SMYD3: variants seen among roughly 807,000 people sequenced by gnomAD.
SMYD3 encodes histone-lysine N-methyltransferase SMYD3.
Under a neutral mutation model 57.7 loss-of-function variants are expected in SMYD3, and 36 were observed. The ratio of observed to expected loss-of-function variants is 0.62; its 90% CI spans 0.48 to 0.82. The LOEUF is 0.82. Ranked by LOEUF, SMYD3 falls within the 40% of genes least tolerant of loss-of-function variation. The pLI is 0.00. For synonymous variants in SMYD3, 211 were observed against 195.0 expected (o/e 1.08, Z -0.68); for missense variants, 515 against 538.8 (o/e 0.96, Z 0.44).
intron 1 of SMYD3, chr1:246,417,246 A>C (rs1158707813): frequency 6.6e-6 from 1 of 152,264 alleles, no homozygotes; most frequent in Non-Finnish European, 1.5e-5. Context: ...AGTGCCATTT[A>C]AGCTGTGGCT....
intron 5 of SMYD3, among the ~76,000 whole-genome samples, chr1:245,962,161 TA>T (rs2058027597): frequency 6.6e-6 from 1 of 152,100 alleles, no homozygotes; most frequent in Non-Finnish European, 1.5e-5. Context: ...AGGTCGATGT[TA>T]GGGGAGAAAA....
At chr1:245,826,388 G>A (rs1230417705) in intron 10 of SMYD3, among the ~76,000 whole-genome samples, 22 of 152,014 alleles carry the variant, frequency 1.4e-4, no homozygotes, top group Admixed American at 1.4e-3. Flanking sequence ...TTTTGTTTTG[G>A]TTTTTAAATA....
intron 10 of SMYD3, among the ~76,000 whole-genome samples, chr1:245,773,383 T>G (rs1007807726): frequency 2.6e-5 from 4 of 152,228 alleles, no homozygotes; most frequent in African/African-American, 9.6e-5. Context: ...TGAGAAACTC[T>G]TGCCTATATT....
In SMYD3 at chr1:246,256,068, T is replaced by C. The variant is rs2063887464; in HGVS notation, c.531+71133A>G. Among the ~76,000 whole-genome samples, 4 of 152,208 alleles carry C rather than the reference T, an allele frequency of 2.6e-5. No individual in the cohort carries two copies. The South Asian group carries it at 8.3e-4, about 32-fold the overall frequency. On this transcript the variant is annotated intron_variant, in intron 5 of 11. Transcript: ENST00000490107. ...GGAGTTTGTTAAGTATTAACTTACA[T>C]GATTACAAGGTCCCACAATAGGCTG...
intron 2 of SMYD3, among the ~76,000 whole-genome samples, chr1:246,336,655 G>C (rs1174311332): frequency 1.3e-5 from 2 of 152,126 alleles, no homozygotes; most frequent in East Asian, 3.9e-4. Context: ...TAGATACATG[G>C]CTAAGCAAAT....
At chr1:245,907,510 A>G (rs2054654134) in intron 8 of SMYD3, among the ~76,000 whole-genome samples, 1 of 152,226 alleles carries the variant, frequency 6.6e-6, no homozygotes, top group African/African-American at 2.4e-5. Flanking sequence ...AATATTTGCC[A>G]TCATGAAAAC....
intron 5 of SMYD3, among the ~76,000 whole-genome samples, chr1:246,243,397 AAC>A (rs2063648204): frequency 9.7e-6 from 1 of 102,868 alleles, no homozygotes; most frequent in South Asian, 4.7e-4. Context: ...CATGTGATTC[AAC>A]ACATAGTGAG....
chr1:246,064,987 C>T (rs1432792241), intron 5 of SMYD3, among the ~76,000 whole-genome samples: 3 of 152,244 alleles, frequency 2.0e-5, no homozygotes, highest in African/African-American at 7.2e-5. Flanking sequence ...GATTACTTCA[C>T]TTACACTTTA....
intron 1 of SMYD3, among the ~76,000 whole-genome samples, chr1:246,372,491 T>G (rs2066209236): frequency 6.6e-6 from 1 of 152,240 alleles, no homozygotes. Flanking sequence ...ATTAATTTAT[T>G]CAGATAATCT....
chr1:246,031,807 T>C (rs2059683402), intron 5 of SMYD3, among the ~76,000 whole-genome samples: 1 of 151,824 alleles, frequency 6.6e-6, no homozygotes, highest in African/African-American at 2.4e-5. Context: ...TAAAATTAGG[T>C]TGGTTTCATT....
rs372587693 is a variant in SMYD3, at chr1:245,832,417, CCT to C, written c.1076+26077_1076+26078del. On this transcript the variant is annotated intron_variant, in intron 10 of 11. Coordinates refer to ENST00000490107, the MANE Select transcript of SMYD3 (RefSeq NM_001167740.2). ...TAAGTTTGGGACAATGCATTCCACC[CCT>C]GTCTTATTTCTAAGATTCTAAGACA... 2.2e-3 allele frequency among the ~76,000 whole-genome samples: 341 copies of C among 152,118 alleles called. 3 individuals carry two copies. The highest frequency in any genetic ancestry group is 7.7e-3 in the African/African-American group (319 of 41,462).
At chr1:246,255,334 T>A (rs542749252) in intron 5 of SMYD3, among the ~76,000 whole-genome samples, 188 of 150,430 alleles carry the variant, frequency 1.2e-3, no homozygotes, top group African/African-American at 4.3e-3. Context: ...TAATAATTAT[T>A]ATTATTATTA....
intron 1 of SMYD3, among the ~76,000 whole-genome samples, chr1:246,425,779 C>T (rs2067209477): frequency 6.6e-6 from 1 of 152,176 alleles, no homozygotes; most frequent in Non-Finnish European, 1.5e-5. Context: ...ACTACTTGCA[C>T]TCAAATCCTT....
intron 1 of SMYD3, among the ~76,000 whole-genome samples, chr1:246,369,776 C>T (rs539978386): frequency 4.6e-5 from 7 of 152,250 alleles, no homozygotes; most frequent in African/African-American, 1.7e-4. Flanking sequence ...AATCCTCCCA[C>T]CTCAGCCTCC....
chr1:246,179,656 TCTC>T (rs1353612984), intron 5 of SMYD3, among the ~76,000 whole-genome samples: 5 of 152,162 alleles, frequency 3.3e-5, no homozygotes, highest in Non-Finnish European at 7.4e-5. Context: ...TGAGGCCACT[TCTC>T]CTAGAAGAAG....
intron 10 of SMYD3, among the ~76,000 whole-genome samples, chr1:245,769,256 G>C (rs1002467370): frequency 2.6e-5 from 4 of 152,164 alleles, no homozygotes; most frequent in Non-Finnish European, 5.9e-5. Context: ...ATCAATCTTA[G>C]CACCACCGAA....
intron 5 of SMYD3, among the ~76,000 whole-genome samples, chr1:246,115,976 TA>T (rs1348986425): frequency 1.3e-5 from 2 of 151,524 alleles, no homozygotes; most frequent in Non-Finnish European, 2.9e-5. Context: ...CCATCTCTAC[TA>T]AAAATACAAA....
intron 1 of SMYD3, among the ~76,000 whole-genome samples, chr1:246,503,954 TAAAAAAAAAAAA>T (rs55709330): frequency 7.8e-6 from 1 of 128,396 alleles, no homozygotes; most frequent in Non-Finnish European, 1.6e-5. Context: ...AACTCCATCT[TAAAAAAAAAAAA>T]AAAAAAAAAA....
chr1:246,339,034 G>A (rs2065588244), intron 2 of SMYD3, among the ~76,000 whole-genome samples: 1 of 152,182 alleles, frequency 6.6e-6, no homozygotes, highest in African/African-American at 2.4e-5. Flanking sequence ...AATTGTCTGA[G>A]CCTAGAACTA....
Sources: gnomAD v4.1 joint callset for allele counts (sites outside exome capture counted in the v4.1 genomes callset) on GRCh38, gnomAD v4.1.1 for gene constraint, MANE v1.5 for transcripts, NCBI Gene and HGNC (gene_info 2026-07-23, HGNC 2026-07-21) for gene names.